SPECC1L: variants seen among roughly 807,000 people sequenced by gnomAD.
SPECC1L encodes cytospin-A.
A neutral mutation model predicts 116.8 loss-of-function variants in SPECC1L; 40 were observed. The ratio of observed to expected loss-of-function variants is 0.34; its 90% confidence interval spans 0.27 to 0.45. The LOEUF is 0.45. Among genes scored for constraint, SPECC1L ranks in the 20% least tolerant of loss-of-function variants. The probability of loss-of-function intolerance (pLI) is 1.00; values close to 1 mark genes in which losing one functional copy is unlikely to be tolerated. For synonymous variants in SPECC1L, 504 were observed against 500.6 expected, an observed-to-expected ratio of 1.01 and a Z score of -0.09; for missense variants, 1,110 against 1,373.6, an observed-to-expected ratio of 0.81 and a Z score of 3.03.
At chr22:24,336,288 T>G (rs2041053454) in intron 9 of SPECC1L, among the ~76,000 whole-genome samples, 1 of 151,902 alleles carries the variant, frequency 6.6e-6, no homozygotes, top group East Asian at 1.9e-4. Flanking sequence ...TATACCTATA[T>G]GTGTGTGTGT....
At position 24,417,203 on chromosome 22, in the gene SPECC1L, ATGT is replaced by A. The variant is rs2042816430; in HGVS notation, c.*2585_*2587del. 6.6e-6 allele frequency: 1 copy of A among 152,586 alleles called. No homozygotes were observed. Among genetic ancestry groups the A allele is most frequent in the African/African-American group, 2.4e-5 (1 of 41,448 alleles). The allele number at this position is 152,586 out of a possible 1,614,324, so 9.5% of individuals were successfully genotyped here. ...TTCTGCGGACCGACGATACGTTTAA[ATGT>A]TGTTCTAGTAAATATTCTTGAATGT... On this transcript the variant is annotated 3_prime_UTR_variant, in exon 17 of 17. Coordinates refer to ENST00000314328, the MANE Select transcript of SPECC1L (RefSeq NM_015330.6).
rs1049430087 is a variant in SPECC1L, at chr22:24,324,526, C to T, written c.2146+99C>T. On this transcript the variant is annotated intron_variant, in intron 6 of 16. Transcript: ENST00000314328. ...TAAAATAGGGCTGGGCACGGTGGCT[C>T]ATGCCTGTAATTCCAGCACTTTGGG... The T allele has an allele frequency of 8.2e-6, 9 of 1,104,176 alleles. No homozygotes were observed. The African/African-American group carries it at 9.3e-5, about 11-fold the overall frequency. 68.4% of individuals were successfully genotyped at this position (1,104,176 alleles called of 1,614,324 possible).
At chr22:24,369,375 G>A in intron 14 of SPECC1L, 55 bp downstream of exon 14, 1 of 1,274,018 alleles carries the variant, frequency 7.8e-7, no homozygotes, top group Non-Finnish European at 1.1e-6. Context: ...AACTGCTGGA[G>A]TGTCGTAGCT....
chr22:24,399,547 G>A (rs1296833582), intron 14 of SPECC1L, among the ~76,000 whole-genome samples: 2 of 152,012 alleles, frequency 1.3e-5, no homozygotes, highest in African/African-American at 4.8e-5. Context: ...CTCCAGCCTG[G>A]GCGACAAAGC....
chr22:24,283,163 C>T (rs569366291), intron 2 of SPECC1L, among the ~76,000 whole-genome samples: 1 of 152,162 alleles, frequency 6.6e-6, no homozygotes, highest in Non-Finnish European at 1.5e-5. Context: ...ACTGCAAGCT[C>T]CTCTTCCTGG....
rs1314790107 is a variant in SPECC1L at position 24,276,733 on chromosome 22, C to G, written c.-108C>G. The G allele has an allele frequency of 1.3e-5, 6 of 453,214 alleles. No individual in the cohort carries two copies. Among genetic ancestry groups the G allele is most frequent in the South Asian group, 9.3e-5 (6 of 64,328 alleles). 28.1% of individuals were successfully genotyped at this position (453,214 alleles called of 1,614,324 possible). A position where few individuals can be genotyped will look rare whatever the true frequency, so the allele number is the denominator to read the frequency against. On this transcript the variant is annotated 5_prime_UTR_variant, in exon 2 of 17. Coordinates refer to ENST00000314328, the MANE Select transcript of SPECC1L (RefSeq NM_015330.6). ...GGGAAGATCCCGACTAAGCCATTTT[C>G]CAGTGGCACCTCTTCCATCATGAGT... is the stretch of plus-strand genomic sequence containing the variant.
At chr22:24,338,062 G>A (rs532394548) in intron 9 of SPECC1L, among the ~76,000 whole-genome samples, 6 of 152,174 alleles carry the variant, frequency 3.9e-5, no homozygotes, top group African/African-American at 1.4e-4. Flanking sequence ...TACTCCTCTT[G>A]GGTTTTACTA....
intron 10 of SPECC1L, among the ~76,000 whole-genome samples, chr22:24,340,349 G>A (rs55783129): frequency 1.3e-5 from 2 of 151,858 alleles, no homozygotes; most frequent in African/African-American, 2.4e-5. Flanking sequence ...TTTTAACCAC[G>A]TTGGCCAAGC....
intron 11 of SPECC1L, among the ~76,000 whole-genome samples, chr22:24,358,806 T>C (rs1434823015): frequency 1.3e-5 from 2 of 152,224 alleles, no homozygotes; most frequent in East Asian, 3.8e-4. Flanking sequence ...TACCTATAAG[T>C]TTGATTTGGG....
chr22:24,374,990 G>GA, intron 14 of SPECC1L, among the ~76,000 whole-genome samples: 1 of 151,850 alleles, frequency 6.6e-6, no homozygotes. Flanking sequence ...CCAAAATCAG[G>GA]AATAAAGGGA....
chr22:24,380,875 T>C (rs1330091057), intron 14 of SPECC1L, among the ~76,000 whole-genome samples: 1 of 152,204 alleles, frequency 6.6e-6, no homozygotes, highest in Non-Finnish European at 1.5e-5. Context: ...TTTTCTCTTT[T>C]TTAAAAATTA....
chr22:24,326,202 A>G (rs183947481), intron 6 of SPECC1L, among the ~76,000 whole-genome samples: 175 of 152,280 alleles, frequency 1.1e-3, no homozygotes, highest in African/African-American at 4.0e-3. Flanking sequence ...ATCAGCAGAT[A>G]TTACAGGCCT....
intron 6 of SPECC1L, 127 bp downstream of exon 6, chr22:24,324,554 T>C: frequency 1.1e-6 from 1 of 869,658 alleles, no homozygotes; most frequent in Non-Finnish European, 1.8e-6. Flanking sequence ...ACTTTGGGAG[T>C]TCAAAACCGA....
At chr22:24,338,777 T>C (rs554235221) in intron 10 of SPECC1L, among the ~76,000 whole-genome samples, 1 of 152,316 alleles carries the variant, frequency 6.6e-6, no homozygotes, top group Non-Finnish European at 1.5e-5. Flanking sequence ...TTACAACTCT[T>C]GGGTATTAGG....
chr22:24,278,366 A>G (rs2146328415), intron 2 of SPECC1L, among the ~76,000 whole-genome samples: 1 of 152,302 alleles, frequency 6.6e-6, no homozygotes, highest in Middle Eastern at 3.4e-3. Flanking sequence ...GTTTCAGGGA[A>G]GAAAAAAAAA....
At chr22:24,355,375 T>C (rs910743159) in intron 11 of SPECC1L, among the ~76,000 whole-genome samples, 12 of 151,866 alleles carry the variant, frequency 7.9e-5, no homozygotes, top group Admixed American at 5.2e-4. Flanking sequence ...CCTCTCTGGA[T>C]AGAACTAGGG....
At chr22:24,370,429 G>A (rs2041850891) in intron 14 of SPECC1L, among the ~76,000 whole-genome samples, 1 of 152,230 alleles carries the variant, frequency 6.6e-6, no homozygotes, top group Non-Finnish European at 1.5e-5. Context: ...GATAAGTAGT[G>A]TTGGCAAAGA....
intron 2 of SPECC1L, among the ~76,000 whole-genome samples, chr22:24,280,576 C>CTTTT (rs1569401061): frequency 1.4e-5 from 2 of 138,806 alleles, no homozygotes; most frequent in African/African-American, 5.4e-5. Flanking sequence ...GTTTCAATAA[C>CTTTT]ATTTTTTTTT....
intron 2 of SPECC1L, among the ~76,000 whole-genome samples, chr22:24,281,447 A>G (rs2146337586): frequency 6.6e-6 from 1 of 152,334 alleles, no homozygotes; most frequent in South Asian, 2.1e-4. Context: ...TGACCATGGT[A>G]TACTTCTCAA....
Sources: allele counts gnomAD v4.1 joint callset (sites outside exome capture counted in the v4.1 genomes callset), GRCh38; gene constraint gnomAD v4.1.1; transcripts MANE v1.5; gene names NCBI Gene and HGNC (gene_info 2026-07-23, HGNC 2026-07-21).